SLC24A2: variants seen among roughly 807,000 people sequenced by gnomAD.
SLC24A2 encodes sodium/potassium/calcium exchanger 2.
SLC24A2 carries 36 observed loss-of-function variants against 62.0 expected under a neutral mutation model. The observed-to-expected ratio is 0.58, with a 90% CI of 0.44 to 0.77. SLC24A2 has a LOEUF of 0.77. Ranked by LOEUF, SLC24A2 falls within the 30% of genes least tolerant of loss-of-function variation. The pLI, the probability that SLC24A2 is intolerant of heterozygous loss-of-function variation, is 0.00. For missense variants in SLC24A2, 846 were observed against 817.9 expected (o/e 1.03, Z -0.42); for synonymous variants, 358 against 294.0 (o/e 1.22, Z -2.23).
At chr9:20,130,931 A>C in the SLC24A2 span, among the ~76,000 whole-genome samples, 49 of 152,052 alleles carry the variant, frequency 3.2e-4, no homozygotes, top group Non-Finnish European at 6.9e-4. Context: ...ACCCAGCCTC[A>C]GTAACCTGTC....
At chr9:20,018,009 C>T in the SLC24A2 span, among the ~76,000 whole-genome samples, 6 of 152,162 alleles carry the variant, frequency 3.9e-5, no homozygotes, top group Admixed American at 6.5e-5. Context: ...TGCAGTGGCA[C>T]GATCTCGGCT....
rs568496298 is a variant in SLC24A2 at position 19,748,578 on chromosome 9, C to T, written c.930+37359G>A. On this transcript the variant is annotated intron_variant, in intron 2 of 10. Coordinates refer to ENST00000341998, the MANE Select transcript of SLC24A2 (RefSeq NM_020344.4). ...GGTGGGTTAATGTTAAAATTATGAT[C>T]GTTGTGGTTTAACCTGATAATAAAT... Among the ~76,000 whole-genome samples, 8 of 152,218 alleles carry T rather than the reference C, an allele frequency of 5.3e-5. No individual in the cohort carries two copies. In the East Asian group the frequency reaches 7.7e-4, roughly 15 times the overall value.
At chr9:19,867,207 C>T in the SLC24A2 span, among the ~76,000 whole-genome samples, 5 of 151,886 alleles carry the variant, frequency 3.3e-5, no homozygotes, top group African/African-American at 9.7e-5. Flanking sequence ...GCTGTGTACC[C>T]ATAAAAATTA....
At chr9:19,744,470 C>G (rs369553616) in intron 2 of SLC24A2, among the ~76,000 whole-genome samples, 18 of 152,206 alleles carry the variant, frequency 1.2e-4, no homozygotes, top group African/African-American at 4.3e-4. Flanking sequence ...GACTCCTATG[C>G]TCGTAGAGGA....
At chr9:19,973,338 A>G in the SLC24A2 span, among the ~76,000 whole-genome samples, 1 of 152,258 alleles carries the variant, frequency 6.6e-6, no homozygotes, top group Non-Finnish European at 1.5e-5. Context: ...TCCCTAAGGG[A>G]GAAAAATAAG....
intron 2 of SLC24A2, among the ~76,000 whole-genome samples, chr9:19,671,774 G>A (rs1587130591): frequency 1.4e-5 from 2 of 145,478 alleles, no homozygotes; most frequent in East Asian, 3.9e-4. Context: ...ATAGATGCTG[G>A]ATTTTGTCAA....
the SLC24A2 span, among the ~76,000 whole-genome samples, chr9:20,287,775 A>G: frequency 1.3e-5 from 2 of 152,190 alleles, no homozygotes; most frequent in African/African-American, 2.4e-5. Context: ...AAGCCCTTAC[A>G]GAGTGCCAAA....
At chr9:19,853,307 C>T in the SLC24A2 span, among the ~76,000 whole-genome samples, 16 of 152,166 alleles carry the variant, frequency 1.1e-4, no homozygotes, top group African/African-American at 3.4e-4. Context: ...ATTTTTTTCT[C>T]TTGCCTGATT....
intron 2 of SLC24A2, among the ~76,000 whole-genome samples, chr9:19,730,337 A>G (rs1821298847): frequency 6.6e-6 from 1 of 152,228 alleles, no homozygotes; most frequent in Non-Finnish European, 1.5e-5. Context: ...GATAAATTAC[A>G]TAGTTATATT....
chr9:19,599,749 C>G lies in SLC24A2; in HGVS notation c.1079-2470G>C, dbSNP rs2132906937. 6.6e-6 allele frequency among the ~76,000 whole-genome samples: 1 copy of G among 152,286 alleles called. No homozygotes were observed. Among genetic ancestry groups the G allele is most frequent in the Middle Eastern group, 3.4e-3 (1 of 294 alleles). On this transcript the variant is annotated intron_variant, in intron 4 of 10. Transcript: ENST00000341998. This position sits in a 1 kb window ranked among gnomAD's most constrained non-coding sequence, Gnocchi z 4.5. ...CATGCATAAACCAGAGCTCATCATG[C>G]ACTTGGCTGGGGTCCTACAGCCCAT...
chr9:20,281,741 T>C, the SLC24A2 span, among the ~76,000 whole-genome samples: 2 of 152,228 alleles, frequency 1.3e-5, no homozygotes, highest in African/African-American at 4.8e-5. Context: ...ACATTTGGGT[T>C]GTCAATTTTT....
At chr9:19,823,745 G>C in the SLC24A2 span, among the ~76,000 whole-genome samples, 1 of 152,124 alleles carries the variant, frequency 6.6e-6, no homozygotes, top group Non-Finnish European at 1.5e-5. Flanking sequence ...CAAAGCTAGA[G>C]GCATCTTGCT....
At chr9:19,590,976 C>G (rs1163112952) in intron 5 of SLC24A2, among the ~76,000 whole-genome samples, 1 of 152,134 alleles carries the variant, frequency 6.6e-6, no homozygotes, top group African/African-American at 2.4e-5. Flanking sequence ...GTGTTCTTCA[C>G]TCGGCTCCAG....
the SLC24A2 span, among the ~76,000 whole-genome samples, chr9:20,224,953 A>C: frequency 2.6e-5 from 4 of 152,078 alleles, no homozygotes; most frequent in Admixed American, 2.6e-4. Context: ...GCAGCCAATG[A>C]CTACAAATAA....
chr9:20,248,020 G>A, the SLC24A2 span, among the ~76,000 whole-genome samples: 8 of 152,324 alleles, frequency 5.3e-5, no homozygotes, highest in East Asian at 5.8e-4. Flanking sequence ...GTCCACACAC[G>A]TGTAAAGCAA....
chr9:20,275,805 G>C, the SLC24A2 span, among the ~76,000 whole-genome samples: 1 of 152,174 alleles, frequency 6.6e-6, no homozygotes, highest in East Asian at 1.9e-4. Flanking sequence ...AATCATGGTG[G>C]AAAGTGAAGG....
At chr9:19,947,774 C>A in the SLC24A2 span, among the ~76,000 whole-genome samples, 1 of 90,078 alleles carries the variant, frequency 1.1e-5, no homozygotes, top group Non-Finnish European at 2.0e-5. Context: ...TTGAGGGTCA[C>A]AGCGAGACTC....
At chr9:20,136,584 C>T in the SLC24A2 span, among the ~76,000 whole-genome samples, 1 of 152,174 alleles carries the variant, frequency 6.6e-6, no homozygotes, top group Non-Finnish European at 1.5e-5. Flanking sequence ...ATATTTACCA[C>T]TTTGCCCCCC....
At chr9:20,083,692 G>A in the SLC24A2 span, among the ~76,000 whole-genome samples, 2 of 152,152 alleles carry the variant, frequency 1.3e-5, no homozygotes, top group Admixed American at 1.3e-4. Context: ...ATTTGCAGTG[G>A]CCAGAGAAAA....
Sources: gnomAD v4.1 joint callset for allele counts (sites outside exome capture counted in the v4.1 genomes callset) on GRCh38, gnomAD v4.1.1 for gene constraint, Gnocchi (gnomAD v3.1) non-coding constraint, MANE v1.5 for transcripts, NCBI Gene and HGNC (gene_info 2026-07-23, HGNC 2026-07-21) for gene names.